Variants in PCLAF observed in about 807,000 individuals in gnomAD.
PCLAF encodes the protein PCNA-associated factor.
PCLAF carries 12 observed loss-of-function variants against 15.1 expected under a neutral mutation model. The ratio of observed to expected loss-of-function variants is 0.79; its 90% confidence interval spans 0.51 to 1.29. PCLAF has a LOEUF of 1.29. Ranked by LOEUF, PCLAF falls within the 50% of genes most tolerant of loss-of-function variation. PCLAF has a pLI of 0.00. For missense variants in PCLAF, 116 were observed against 130.9 expected (o/e 0.89, Z 0.56); for synonymous variants, 33 against 47.1 (o/e 0.70, Z 1.22).
chr15:64,375,864 C>T (rs562401260), intron 3 of PCLAF, among the ~76,000 whole-genome samples: 1 of 152,256 alleles, frequency 6.6e-6, no homozygotes, highest in African/African-American at 2.4e-5. Flanking sequence ...TGACATAGCA[C>T]TTATGTGAAT....
At chr15:64,375,272 G>A (rs566119674) in intron 3 of PCLAF, among the ~76,000 whole-genome samples, 2 of 152,020 alleles carry the variant, frequency 1.3e-5, no homozygotes, top group Admixed American at 6.6e-5. Flanking sequence ...TTACAGGCAC[G>A]TGCCACCACG....
upstream of PCLAF, among the ~76,000 whole-genome samples, chr15:64,384,808 T>C (rs1274841561): frequency 6.6e-6 from 1 of 151,954 alleles, no homozygotes; most frequent in Non-Finnish European, 1.5e-5. Flanking sequence ...TGTGCTTGCA[T>C]TGCTCAGGCA....
upstream of PCLAF, among the ~76,000 whole-genome samples, chr15:64,383,733 T>G (rs555784280): frequency 7.9e-5 from 12 of 152,294 alleles, no homozygotes; most frequent in South Asian, 2.3e-3. Flanking sequence ...AGGTCTGAAT[T>G]ACTTAATTTG....
chr15:64,376,400 T>C (rs1360372427), intron 3 of PCLAF, among the ~76,000 whole-genome samples: 5 of 152,112 alleles, frequency 3.3e-5, no homozygotes, highest in Non-Finnish European at 5.9e-5. Context: ...ATTTTTTATT[T>C]GAGACAGAGT....
At chr15:64,370,967 T>C (rs1291160069) in intron 3 of PCLAF, among the ~76,000 whole-genome samples, 4 of 3,724 alleles carry the variant, frequency 1.1e-3, no homozygotes, top group Non-Finnish European at 4.9e-3. Flanking sequence ...TTTCATGTTC[T>C]TTTTTTTTTT....
upstream of PCLAF, among the ~76,000 whole-genome samples, chr15:64,381,789 AATG>A (rs752870419): frequency 1.3e-5 from 2 of 152,252 alleles, no homozygotes; most frequent in African/African-American, 2.4e-5. Context: ...TTAAGTCCAT[AATG>A]ATTGACTCCT....
intron 3 of PCLAF, chr15:64,373,500 A>T: frequency 1.2e-6 from 1 of 839,334 alleles, no homozygotes; most frequent in Non-Finnish European, 1.6e-6. Flanking sequence ...CCTGCCTCTT[A>T]ATGGTAGAGA....
intron 3 of PCLAF, chr15:64,373,863 G>A: frequency 8.4e-7 from 1 of 1,195,774 alleles, no homozygotes; most frequent in Non-Finnish European, 1.1e-6. Context: ...CAAGTACTTT[G>A]TTTCGAAACA....
intron 3 of PCLAF, among the ~76,000 whole-genome samples, chr15:64,369,921 T>C (rs1300088099): frequency 6.6e-6 from 1 of 152,122 alleles, no homozygotes; most frequent in Non-Finnish European, 1.5e-5. Context: ...ACACATACCA[T>C]AGGTCAAGAT....
chr15:64,370,122 A>C (rs1471888874), intron 3 of PCLAF, among the ~76,000 whole-genome samples: 1 of 151,222 alleles, frequency 6.6e-6, no homozygotes, highest in Non-Finnish European at 1.5e-5. Flanking sequence ...TCTGTCACCC[A>C]GGCTGGAGTT....
At chr15:64,376,617 C>T in intron 3 of PCLAF, 126 bp downstream of exon 3, 1 of 652,684 alleles carries the variant, frequency 1.5e-6, no homozygotes, top group Non-Finnish European at 2.6e-6. Context: ...CAGGGTTCCA[C>T]CATGTTGGAC....
intron 3 of PCLAF, among the ~76,000 whole-genome samples, chr15:64,376,208 G>C (rs895688969): frequency 3.9e-5 from 6 of 152,026 alleles, no homozygotes; most frequent in African/African-American, 1.4e-4. Flanking sequence ...CTGGGCAACA[G>C]AGCAAGACTC....
At chr15:64,384,725 G>A (rs1368197046), upstream of PCLAF, among the ~76,000 whole-genome samples, 2 of 147,770 alleles carry the variant, frequency 1.4e-5, no homozygotes, top group Non-Finnish European at 3.0e-5. Flanking sequence ...CTGGGTGATG[G>A]AGCAAGAATG....
At chr15:64,381,723 A>T, upstream of PCLAF, among the ~76,000 whole-genome samples, 1 of 152,260 alleles carries the variant, frequency 6.6e-6, no homozygotes, top group South Asian at 2.1e-4. Context: ...CTGCTTAGAA[A>T]AGAAAACCTA....
At chr15:64,371,250 G>C (rs1899301149) in intron 3 of PCLAF, among the ~76,000 whole-genome samples, 1 of 150,890 alleles carries the variant, frequency 6.6e-6, no homozygotes, top group African/African-American at 2.4e-5. Flanking sequence ...TTACAGGCGT[G>C]AGCCACTGCA....
intron 3 of PCLAF, among the ~76,000 whole-genome samples, chr15:64,370,390 CG>C (rs924037382): frequency 1.3e-5 from 2 of 149,102 alleles, no homozygotes; most frequent in African/African-American, 5.0e-5. Flanking sequence ...TTTTTTCAGA[CG>C]GATTATCGCT....
At chr15:64,369,172 G>A (rs1596320828) in intron 3 of PCLAF, among the ~76,000 whole-genome samples, 1 of 152,006 alleles carries the variant, frequency 6.6e-6, no homozygotes, top group Non-Finnish European at 1.5e-5. Flanking sequence ...GACCAGCCTA[G>A]GCAACATAGC....
rs781306780 is a variant in PCLAF at position 64,364,307 on chromosome 15, T to C, written c.*1723A>G. ...TTTTAGGAAGCACACAAATGGATAG[T>C]GTATTGTAAAAATAAGTATGCATTT... On this transcript the variant is annotated 3_prime_UTR_variant, in exon 4 of 4. Transcript: ENST00000300035. 6.6e-6 allele frequency: 1 copy of C among 152,232 alleles called. No homozygotes were observed. Among genetic ancestry groups the C allele is most frequent in the Non-Finnish European group, 1.5e-5 (1 of 68,050 alleles). 9.4% of individuals were successfully genotyped at this position (152,232 alleles called of 1,614,324 possible). A position where few individuals can be genotyped will look rare whatever the true frequency, so the allele number is the denominator to read the frequency against.
chr15:64,365,918 A>C lies in PCLAF; in HGVS notation c.*112T>G. On this transcript the variant is annotated 3_prime_UTR_variant, in exon 4 of 4. Coordinates refer to ENST00000300035, the MANE Select transcript of PCLAF (RefSeq NM_014736.6). ...ATCTAAATTTAAACCTAAATTTTTT[A>C]ATTAAATGCCTGTTCAACAAAGCTA... The C allele has an allele frequency of 1.1e-6, 1 of 869,900 alleles. No individual in the cohort carries two copies. The highest frequency in any genetic ancestry group is 2.8e-4 in the Middle Eastern group (1 of 3,634). The allele number at this position is 869,900 out of a possible 1,614,324, so 53.9% of individuals were successfully genotyped here. A position where few individuals can be genotyped will look rare whatever the true frequency, so the allele number is the denominator to read the frequency against.
Sources: allele counts gnomAD v4.1 joint callset (sites outside exome capture counted in the v4.1 genomes callset), GRCh38; gene constraint gnomAD v4.1.1; transcripts MANE v1.5; gene names NCBI Gene and HGNC (gene_info 2026-07-23, HGNC 2026-07-21).